TAFA2: variants seen among roughly 807,000 people sequenced by gnomAD.
The protein encoded by TAFA2 is chemokine-like protein TAFA-2.
TAFA2 carries 7 observed loss-of-function variants against 18.8 expected under a neutral mutation model. That is an observed-to-expected ratio of 0.37 (90% confidence interval 0.21 to 0.70). TAFA2 has a LOEUF of 0.70. TAFA2 is among the 30% of genes least tolerant of loss of function. TAFA2 has a pLI of 0.53. For synonymous variants in TAFA2, 60 were observed against 54.2 expected, an observed-to-expected ratio of 1.11 and a Z score of -0.47; for missense variants, 122 against 158.1, an observed-to-expected ratio of 0.77 and a Z score of 1.23.
At chr12:61,904,728 A>G (rs951624259) in intron 1 of TAFA2, among the ~76,000 whole-genome samples, 1 of 152,176 alleles carries the variant, frequency 6.6e-6, no homozygotes, top group African/African-American at 2.4e-5. Context: ...CATATGAGAG[A>G]AAAATTTAGA....
At chr12:62,157,790 C>T (rs1565764205) in intron 1 of TAFA2, among the ~76,000 whole-genome samples, 2 of 152,152 alleles carry the variant, frequency 1.3e-5, no homozygotes, top group Non-Finnish European at 2.9e-5. Context: ...TTTATCTCTT[C>T]ATACAATTTA....
intron 2 of TAFA2, among the ~76,000 whole-genome samples, chr12:61,802,262 C>T (rs58020741): frequency 0.28 from 42,824 of 151,826 alleles, 6,776 homozygotes; most frequent in South Asian, 0.4. Flanking sequence ...GTTGGGTATT[C>T]ATCCAAAGGA....
At chr12:62,147,287 T>A (rs953918727) in intron 1 of TAFA2, among the ~76,000 whole-genome samples, 1 of 143,606 alleles carries the variant, frequency 7.0e-6, no homozygotes, top group East Asian at 2.0e-4. Context: ...TATATATATG[T>A]ATGTATATAT....
At chr12:61,847,441 G>T (rs893466593) in intron 2 of TAFA2, among the ~76,000 whole-genome samples, 7 of 152,060 alleles carry the variant, frequency 4.6e-5, no homozygotes, top group African/African-American at 1.7e-4. Flanking sequence ...TGGAAGAAAA[G>T]AAACCCATAA....
intron 1 of TAFA2, among the ~76,000 whole-genome samples, chr12:61,915,555 T>C (rs973439700): frequency 6.6e-6 from 1 of 152,176 alleles, no homozygotes; most frequent in East Asian, 1.9e-4. Flanking sequence ...GGTCTCACAA[T>C]ATGTCATCTG....
At chr12:61,845,485 C>T (rs1032346127) in intron 2 of TAFA2, among the ~76,000 whole-genome samples, 1 of 152,150 alleles carries the variant, frequency 6.6e-6, no homozygotes, top group Non-Finnish European at 1.5e-5. Flanking sequence ...GACACAGTTA[C>T]CTTGAAACAT....
intron 1 of TAFA2, among the ~76,000 whole-genome samples, chr12:62,250,323 G>A (rs1010875677): frequency 9.9e-5 from 15 of 152,054 alleles, no homozygotes; most frequent in Admixed American, 3.9e-4. Context: ...TATCTAAATC[G>A]CATTTTTAAA....
chr12:62,201,908 A>C (rs7137540), intron 1 of TAFA2, among the ~76,000 whole-genome samples: 25,659 of 152,142 alleles, frequency 0.17, 2,360 homozygotes, highest in African/African-American at 0.25. Context: ...TTATTGCCTC[A>C]ATTTCATAAC....
chr12:62,032,438 ATG>A, intron 1 of TAFA2, among the ~76,000 whole-genome samples: 1 of 152,284 alleles, frequency 6.6e-6, no homozygotes, highest in East Asian at 1.9e-4. Flanking sequence ...AATCAAATAT[ATG>A]TGAAATGTTA....
chr12:62,007,309 G>A (rs943118229), intron 1 of TAFA2, among the ~76,000 whole-genome samples: 6 of 152,096 alleles, frequency 3.9e-5, no homozygotes, highest in African/African-American at 9.7e-5. Context: ...TACCCTATAC[G>A]AAATCACCAC....
intron 4 of TAFA2, among the ~76,000 whole-genome samples, chr12:61,739,216 TGG>T (rs1868359157): frequency 6.6e-6 from 1 of 152,044 alleles, no homozygotes; most frequent in Non-Finnish European, 1.5e-5. Flanking sequence ...TTCCAGAGAC[TGG>T]GTTCTTAATC....
chr12:61,864,462 TA>T (rs1469119761), intron 2 of TAFA2, among the ~76,000 whole-genome samples: 1 of 150,078 alleles, frequency 6.7e-6, no homozygotes, highest in Non-Finnish European at 1.5e-5. Flanking sequence ...TAGTAAGATA[TA>T]AAAAGAGAAA....
chr12:61,782,363 C>T (rs1461807814), intron 2 of TAFA2, among the ~76,000 whole-genome samples: 1 of 151,728 alleles, frequency 6.6e-6, no homozygotes, highest in Non-Finnish European at 1.5e-5. Flanking sequence ...CCCCACAACC[C>T]CTTATTGTAA....
chr12:61,828,658 A>G (rs1326167285), intron 2 of TAFA2, among the ~76,000 whole-genome samples: 2 of 151,844 alleles, frequency 1.3e-5, no homozygotes, highest in Admixed American at 6.6e-5. Flanking sequence ...TTGGGAGAAA[A>G]AATTTATTTA....
chr12:61,812,455 G>C (rs1484212484), intron 2 of TAFA2, among the ~76,000 whole-genome samples: 3 of 151,428 alleles, frequency 2.0e-5, no homozygotes, highest in Non-Finnish European at 4.4e-5. Context: ...TCATTGACGT[G>C]AATAGGACTA....
At chr12:62,256,952 G>T (rs1224667984) in intron 1 of TAFA2, among the ~76,000 whole-genome samples, 1 of 152,070 alleles carries the variant, frequency 6.6e-6, no homozygotes, top group African/African-American at 2.4e-5. Flanking sequence ...GTTTAGAGAG[G>T]TGAGTAAGAA....
At chr12:62,248,355 A>G (rs1265949608) in intron 1 of TAFA2, among the ~76,000 whole-genome samples, 2 of 152,160 alleles carry the variant, frequency 1.3e-5, no homozygotes, top group Non-Finnish European at 2.9e-5. Flanking sequence ...AAGTAGGAAA[A>G]CCCAAGGAGC....
intron 1 of TAFA2, among the ~76,000 whole-genome samples, chr12:62,050,309 G>A (rs1038181772): frequency 1.3e-5 from 2 of 152,020 alleles, no homozygotes; most frequent in East Asian, 1.9e-4. Context: ...GGTGGCTCAC[G>A]CCTGTAATCC....
At chr12:61,976,193 T>C (rs1879428564) in intron 1 of TAFA2, among the ~76,000 whole-genome samples, 1 of 151,854 alleles carries the variant, frequency 6.6e-6, no homozygotes, top group South Asian at 2.1e-4. Flanking sequence ...ACATGATATG[T>C]TTTGCCTTTT....
Sources: gnomAD v4.1 joint callset for allele counts (sites outside exome capture counted in the v4.1 genomes callset) on GRCh38, gnomAD v4.1.1 for gene constraint, MANE v1.5 for transcripts, NCBI Gene and HGNC (gene_info 2026-07-23, HGNC 2026-07-21) for gene names.